CDK20: variants seen among roughly 807,000 people sequenced by gnomAD.
The protein encoded by CDK20 is cyclin dependent kinase 20, also known as cyclin-dependent kinase 20.
A neutral mutation model predicts 38.6 loss-of-function variants in CDK20; 40 were observed. The observed-to-expected ratio is 1.04, with a 90% confidence interval of 0.81 to 1.35. CDK20 has a LOEUF of 1.35. CDK20 is among the 40% of genes most tolerant of loss of function. The probability of loss-of-function intolerance (pLI) is 0.00; values close to 1 mark genes in which losing one functional copy is unlikely to be tolerated. For synonymous variants in CDK20, 209 were observed against 185.7 expected, an observed-to-expected ratio of 1.13 and a Z score of -1.02; for missense variants, 512 against 452.6, an observed-to-expected ratio of 1.13 and a Z score of -1.19.
At chr9:87,970,480 G>A in intron 5 of CDK20, 88 bp downstream of exon 5, 2 of 1,275,420 alleles carry the variant, frequency 1.6e-6, no homozygotes, top group Non-Finnish European at 1.1e-6. Context: ...TCCCACCAGG[G>A]AAAAGACCAC....
intron 5 of CDK20, 196 bp from the exon 6 acceptor site, chr9:87,970,115 G>C (rs554712453): frequency 1.9e-6 from 1 of 537,014 alleles, no homozygotes; most frequent in Non-Finnish European, 3.1e-6. Context: ...GCTGTTCCAA[G>C]ACTTCTCGGA....
chr9:87,968,840 G>C (rs758752964), intron 7 of CDK20: 52 of 265,048 alleles, frequency 2.0e-4, no homozygotes, highest in Non-Finnish European at 1.2e-4. Context: ...GAAAATACTT[G>C]CTAATGGAAT....
chr9:87,969,498 A>AC, intron 6 of CDK20, 149 bp from the exon 7 acceptor site: 1 of 883,592 alleles, frequency 1.1e-6, no homozygotes, highest in South Asian at 1.7e-5. Flanking sequence ...TCATTCACTC[A>AC]CCCACCCCTG....
At chr9:87,971,056 AACTT>A in intron 3 of CDK20, 87 bp downstream of exon 3, 2 of 1,517,328 alleles carry the variant, frequency 1.3e-6, no homozygotes, top group Non-Finnish European at 1.8e-6. Context: ...GCTCTGTCCC[AACTT>A]CTTATCACAC....
In CDK20 at chr9:87,974,030, G is replaced by T. The variant is rs769299700; in HGVS notation, c.81C>A (p.Gly27=). 6.2e-7 allele frequency: 1 copy of T among 1,614,060 alleles called. No individual in the cohort carries two copies. The highest frequency in any genetic ancestry group is 8.5e-7 in the Non-Finnish European group (1 of 1,180,034). Residue 27 remains glycine (G), a synonymous_variant, in exon 2 of 8, where the codon GGC becomes GGA. Coordinates refer to ENST00000325303, the MANE Select transcript of CDK20 (RefSeq NM_001039803.3). ...CCACCTTCTTGAGGGCAACTATCTC[G>T]CCAGTCTGCAGGATAGAAGGCAGAC... is the stretch of plus-strand genomic sequence containing the variant. ...IVFKAKHVET[G]EIVALKKVAL... is the part of the protein sequence containing the mutation.
intron 2 of CDK20, among the ~76,000 whole-genome samples, chr9:87,972,901 A>G (rs541770778): frequency 2.0e-5 from 3 of 152,160 alleles, no homozygotes; most frequent in Non-Finnish European, 4.4e-5. Flanking sequence ...GTAGTACACA[A>G]CCATTTAACA....
chr9:87,974,325 G>A, intron 1 of CDK20, 47 bp downstream of exon 1: 1 of 1,576,566 alleles, frequency 6.3e-7, no homozygotes, highest in Non-Finnish European at 8.7e-7. Flanking sequence ...GCCGGAGGGT[G>A]GCGGGGGCAC....
intron 7 of CDK20, 151 bp downstream of exon 7, chr9:87,969,043 C>T (rs1467433412): frequency 7.0e-6 from 6 of 861,918 alleles, no homozygotes; most frequent in Non-Finnish European, 8.9e-6. Flanking sequence ...AGGCCCCTGT[C>T]CCCTGGGTTC....
At chr9:87,968,416 AG>A (rs1829586653) in intron 7 of CDK20, 1 of 152,426 alleles carries the variant, frequency 6.6e-6, no homozygotes, top group Admixed American at 6.5e-5. Flanking sequence ...GGAGACCAAG[AG>A]GGCGTATGTA....
At position 87,969,174 on chromosome 9, in the gene CDK20, A is replaced by T. The variant is rs1829666372; in HGVS notation, c.843+20T>A. On this transcript the variant is annotated intron_variant, in intron 7 of 7. Coordinates refer to ENST00000325303, the MANE Select transcript of CDK20 (RefSeq NM_001039803.3). ...GGGGAGGGGAGCTGAAGGAGCAGAG[A>T]CTACAGCCTCTCCCCCTACCTTGGA... 1.2e-6 allele frequency: 2 copies of T among 1,612,070 alleles called. No homozygotes were observed. Among genetic ancestry groups the T allele is most frequent in the Non-Finnish European group, 1.7e-6 (2 of 1,178,798 alleles).
chr9:87,970,028 C>T, intron 5 of CDK20, 109 bp from the exon 6 acceptor site: 2 of 1,313,716 alleles, frequency 1.5e-6, no homozygotes, highest in Non-Finnish European at 2.0e-6. Flanking sequence ...CACAAGCCAG[C>T]CCTGGAGCCT....
chr9:87,968,731 T>G (rs28364967), intron 7 of CDK20: 2,657 of 157,052 alleles, frequency 0.017, 76 homozygotes, highest in African/African-American at 0.059. Context: ...CTTTTGGACC[T>G]GGAGCTACCT....
Position 87,970,589 on chromosome 9 carries a change from TACTG to T in CDK20, c.538_541del (p.Gln180MetfsTer18), listed in dbSNP as rs764987960. The T allele has an allele frequency of 1.2e-6, 2 of 1,614,086 alleles. No individual in the cohort carries two copies. The highest frequency in any genetic ancestry group is 1.7e-6 in the Non-Finnish European group (2 of 1,179,998). On this transcript the variant is annotated frameshift_variant, in exon 5 of 8. Transcript: ENST00000325303. LOFTEE classifies it high-confidence loss of function. ...TCACCACAGATCGACGCCCTGGTCATACTGGCGGGCACCATACAGGAGCTCGGGG... is the reference window on the plus strand; with the variant it reads ...TCACCACAGATCGACGCCCTGGTCATGCGGGCACCATACAGGAGCTCGGGG...
At position 87,970,641 on chromosome 9, in the gene CDK20, G is replaced by GAGGGCTGGCAGGCAC. The variant is rs1260415460; in HGVS notation, c.501-26_501-12dup. 2.5e-6 allele frequency: 4 copies of GAGGGCTGGCAGGCAC among 1,613,936 alleles called. No homozygotes were observed. The highest frequency in any genetic ancestry group is 3.4e-6 in the Non-Finnish European group (4 of 1,180,000). On this transcript the variant is annotated splice_polypyrimidine_tract_variant and intron_variant, in intron 4 of 7. Transcript: ENST00000325303. ...GGGGCTCGGTACCACCTGCGAGGAA[G>GAGGGCTGGCAGGCAC]AGGGCTGGCAGGCACTGGGCTGAGA...
intron 7 of CDK20, chr9:87,968,980 G>T (rs530122168): frequency 1.7e-6 from 1 of 572,036 alleles, no homozygotes; most frequent in Non-Finnish European, 3.1e-6. Context: ...CACCCTCAGG[G>T]GAAGTCTGGG....
At chr9:87,969,556 C>T (rs1829702530) in intron 6 of CDK20, 1 of 771,372 alleles carries the variant, frequency 1.3e-6, no homozygotes, top group African/African-American at 1.8e-5. Context: ...ACTCTGTGCA[C>T]AGCTTGCTGA....
intron 2 of CDK20, among the ~76,000 whole-genome samples, chr9:87,973,608 T>C (rs1463808219): frequency 6.6e-6 from 1 of 152,158 alleles, no homozygotes; most frequent in African/African-American, 2.4e-5. Flanking sequence ...GGGAGCTCAA[T>C]AGGTGCTAGT....
At chr9:87,970,041 C>T (rs569757863) in intron 5 of CDK20, 122 bp from the exon 6 acceptor site, 7 of 1,145,290 alleles carry the variant, frequency 6.1e-6, no homozygotes, top group South Asian at 5.4e-5. Context: ...TGGAGCCTCA[C>T]GTCCAGAGGC....
Position 87,967,639 on chromosome 9 carries a change from G to A in CDK20, c.864C>T (p.Phe288=). 1 of 1,491,150 alleles carries A rather than the reference G, an allele frequency of 6.7e-7. No homozygotes were observed. The highest frequency in any genetic ancestry group is 9.0e-7 in the Non-Finnish European group (1 of 1,116,290). The allele number at this position is 1,491,150 out of a possible 1,614,324, so 92.4% of individuals were successfully genotyped here. ...AASKALLHQY[F]FTAPLPAHPS... ...GATGGGCAGGCAGGGGAGCTGTGAA[G>A]AAGTACTGATGGAGGAGAGCCTGAG... is the stretch of plus-strand genomic sequence containing the variant. Residue 288 remains phenylalanine, a synonymous_variant, in exon 8 of 8, where the codon TTC becomes TTT. Coordinates refer to ENST00000325303, the MANE Select transcript of CDK20 (RefSeq NM_001039803.3).
Sources: gnomAD v4.1 joint callset for allele counts (sites outside exome capture counted in the v4.1 genomes callset) on GRCh38, gnomAD v4.1.1 for gene constraint, MANE v1.5 for transcripts, NCBI Gene and HGNC (gene_info 2026-07-23, HGNC 2026-07-21) for gene names.